CSMD1: variants seen among roughly 807,000 people sequenced by gnomAD.
The protein encoded by CSMD1 is CUB and sushi domain-containing protein 1.
Under a neutral mutation model 417.5 loss-of-function variants are expected in CSMD1, and 213 were observed. That is an observed-to-expected ratio of 0.51 (90% CI 0.46 to 0.57). CSMD1 has a LOEUF of 0.57. Among genes scored for constraint, CSMD1 ranks in the 20% least tolerant of loss-of-function variants. The probability of loss-of-function intolerance (pLI) is 0.00; values close to 1 mark genes in which losing one functional copy is unlikely to be tolerated. For missense variants in CSMD1, 6,923 were observed against 4,529.7 expected (o/e 1.53, Z -15.17); for synonymous variants, 2,862 against 1,736.8 (o/e 1.65, Z -16.11).
At chr8:4,426,251 A>AT (rs1009057166) in intron 2 of CSMD1, among the ~76,000 whole-genome samples, 10 of 151,940 alleles carry the variant, frequency 6.6e-5, no homozygotes, top group Admixed American at 4.6e-4. Flanking sequence ...AAAATAACTT[A>AT]TTTTTTATAA....
intron 25 of CSMD1, among the ~76,000 whole-genome samples, chr8:3,297,944 A>G (rs1232742069): frequency 6.6e-6 from 1 of 152,232 alleles, no homozygotes; most frequent in African/African-American, 2.4e-5. Context: ...AAAGGCTTCA[A>G]CTGGCAATTA....
At chr8:3,142,937 A>C (rs559266111) in intron 40 of CSMD1, among the ~76,000 whole-genome samples, 1 of 152,186 alleles carries the variant, frequency 6.6e-6, no homozygotes, top group African/African-American at 2.4e-5. Context: ...TATTACCAGC[A>C]CCGTACCACA....
intron 6 of CSMD1, among the ~76,000 whole-genome samples, chr8:3,720,685 G>T (rs569837523): frequency 3.1e-4 from 47 of 150,536 alleles, no homozygotes; most frequent in African/African-American, 1.1e-3. Context: ...TGACCCATGG[G>T]AAGCTTAAAT....
At chr8:3,163,042 T>C (rs1190370491) in intron 37 of CSMD1, among the ~76,000 whole-genome samples, 1 of 152,178 alleles carries the variant, frequency 6.6e-6, no homozygotes, top group Non-Finnish European at 1.5e-5. Context: ...GAATCAAAAA[T>C]TGATTTTGGT....
rs1022297545 is a variant in CSMD1 at position 4,317,064 on chromosome 8, G to T, written c.415+102889C>A. Among the ~76,000 whole-genome samples, 19 of 152,134 alleles carry T rather than the reference G, an allele frequency of 1.2e-4. 1 individual carries two copies. The highest frequency in any genetic ancestry group is 9.8e-4 in the Admixed American group (15 of 15,262). On this transcript the variant is annotated intron_variant, in intron 3 of 69. Transcript: ENST00000635120. ...GCACTGAAAACATACAAGCCCTGTG[G>T]AATTAATCAGCTACTAGTGTTTATC...
chr8:4,770,176 T>C (rs968514709), intron 1 of CSMD1, among the ~76,000 whole-genome samples: 7 of 150,074 alleles, frequency 4.7e-5, no homozygotes, highest in African/African-American at 1.5e-4. Context: ...TTCCTATATA[T>C]AAATTTTTAT....
intron 1 of CSMD1, among the ~76,000 whole-genome samples, chr8:4,761,244 C>A (rs1329132876): frequency 6.6e-6 from 1 of 152,054 alleles, no homozygotes; most frequent in African/African-American, 2.4e-5. Flanking sequence ...ATGGAACATT[C>A]AAAGTGGGCT....
At chr8:4,921,654 C>T (rs890237993) in intron 1 of CSMD1, among the ~76,000 whole-genome samples, 6 of 152,084 alleles carry the variant, frequency 3.9e-5, no homozygotes, top group Non-Finnish European at 7.4e-5. Context: ...GTGAATTACC[C>T]ACAGAAGTGA....
intron 4 of CSMD1, among the ~76,000 whole-genome samples, chr8:4,016,862 G>A (rs2688388): frequency 0.74 from 113,083 of 152,108 alleles, 42,156 homozygotes; most frequent in Admixed American, 0.81. Context: ...AAGAACAGCA[G>A]TTTTAGTTGG....
At position 4,365,500 on chromosome 8, in the gene CSMD1, A is replaced by G. The variant is rs115019325; in HGVS notation, c.415+54453T>C. Reference sequence around the variant, plus strand: ...AGTCTACTGGCCTTAGGGCAGTGCTACGAATCCAGGCGTTGTGATTAAATT... The same window carrying G: ...AGTCTACTGGCCTTAGGGCAGTGCTGCGAATCCAGGCGTTGTGATTAAATT... On this transcript the variant is annotated intron_variant, in intron 3 of 69. Coordinates refer to ENST00000635120, the MANE Select transcript of CSMD1 (RefSeq NM_033225.6). Among the ~76,000 whole-genome samples, 735 of 152,334 alleles carry G rather than the reference A, an allele frequency of 4.8e-3. 7 individuals are homozygous for G. The highest frequency in any genetic ancestry group is 0.016 in the African/African-American group (676 of 41,584).
chr8:4,305,647 C>A (rs1798204904), intron 3 of CSMD1, among the ~76,000 whole-genome samples: 1 of 152,164 alleles, frequency 6.6e-6, no homozygotes, highest in Non-Finnish European at 1.5e-5. Context: ...CTCAAAAAGG[C>A]ATAACATCCT....
chr8:4,143,272 G>A (rs746385119), intron 3 of CSMD1, among the ~76,000 whole-genome samples: 1 of 150,822 alleles, frequency 6.6e-6, no homozygotes, highest in African/African-American at 2.5e-5. Context: ...TGTCCTCAAA[G>A]AAATTTCTCC....
intron 12 of CSMD1, among the ~76,000 whole-genome samples, chr8:3,421,213 A>T (rs1471250784): frequency 6.6e-6 from 1 of 152,212 alleles, no homozygotes; most frequent in Non-Finnish European, 1.5e-5. Context: ...TCTGGAGGAA[A>T]ATGCAGAGTC....
intron 49 of CSMD1, among the ~76,000 whole-genome samples, chr8:3,078,474 A>T (rs1177930171): frequency 6.6e-6 from 1 of 152,218 alleles, no homozygotes; most frequent in Non-Finnish European, 1.5e-5. Flanking sequence ...AAACTGCAGA[A>T]AGTAACTGAT....
chr8:4,822,895 G>A (rs751785236), intron 1 of CSMD1, among the ~76,000 whole-genome samples: 1 of 152,082 alleles, frequency 6.6e-6, no homozygotes, highest in Non-Finnish European at 1.5e-5. Flanking sequence ...AATGTGAGAA[G>A]TGCACTGTGT....
At chr8:4,801,022 C>A (rs980742773) in intron 1 of CSMD1, among the ~76,000 whole-genome samples, 1 of 152,164 alleles carries the variant, frequency 6.6e-6, no homozygotes, top group East Asian at 1.9e-4. Context: ...TCTTCAATAT[C>A]TTGGATTCAC....
rs755276990 is a variant in CSMD1 at position 2,966,573 on chromosome 8, T to C, written c.9097A>G (p.Thr3033Ala). 4 of 1,613,182 alleles carry C rather than the reference T, an allele frequency of 2.5e-6. No individual in the cohort carries two copies. In the East Asian group the frequency reaches 6.7e-5, roughly 27 times the overall value. Residue 3033 changes from threonine (T) to alanine (A), a missense_variant, in exon 58 of 70, where the codon ACA (threonine) becomes GCA (alanine). Transcript: ENST00000635120. Reference sequence around the variant, plus strand: ...ACCATGATGTCTGCTTACTAACTTGTGCAGTCGGGAGCAGTGCCTGTCCAG... The same window carrying C: ...ACCATGATGTCTGCTTACTAACTTGCGCAGTCGGGAGCAGTGCCTGTCCAG... ...GTWTGTAPDC[T>A]IISCGDPGTL...
At chr8:3,779,038 C>T (rs1431243310) in intron 5 of CSMD1, among the ~76,000 whole-genome samples, 1 of 152,074 alleles carries the variant, frequency 6.6e-6, no homozygotes, top group Non-Finnish European at 1.5e-5. Flanking sequence ...GCATGATCAA[C>T]GTTTTCATAA....
At position 3,811,026 on chromosome 8, in the gene CSMD1, C is replaced by T. The variant is rs531480968; in HGVS notation, c.819-56984G>A. On this transcript the variant is annotated intron_variant, in intron 5 of 69. Coordinates refer to ENST00000635120, the MANE Select transcript of CSMD1 (RefSeq NM_033225.6). ...CACTGTTCCATCCGTTTGATCACTC[C>T]GTCTTACTGGCAGGGGATGAATCTT... is the stretch of plus-strand genomic sequence containing the variant. Among the ~76,000 whole-genome samples the T allele has an allele frequency of 4.6e-5, 7 of 152,224 alleles. No homozygotes were observed. In the South Asian group the frequency reaches 8.3e-4, roughly 18 times the overall value.
Sources: allele counts gnomAD v4.1 joint callset (sites outside exome capture counted in the v4.1 genomes callset), GRCh38; gene constraint gnomAD v4.1.1; transcripts MANE v1.5; gene names NCBI Gene and HGNC (gene_info 2026-07-23, HGNC 2026-07-21).